ERC1: variants seen among roughly 807,000 people sequenced by gnomAD.
The protein encoded by ERC1 is RAB6 interacting protein 2.
A neutral mutation model predicts 132.0 loss-of-function variants in ERC1; 56 were observed. The ratio of observed to expected loss-of-function variants is 0.42; its 90% CI spans 0.34 to 0.53. The LOEUF is 0.53. Ranked by LOEUF, ERC1 falls within the 20% of genes least tolerant of loss-of-function variation. The probability of loss-of-function intolerance (pLI) is 0.03; values close to 1 mark genes in which losing one functional copy is unlikely to be tolerated. For synonymous variants in ERC1, 478 were observed against 476.1 expected, an observed-to-expected ratio of 1.00 and a Z score of -0.05; for missense variants, 1,202 against 1,349.9, an observed-to-expected ratio of 0.89 and a Z score of 1.72.
chr12:1,040,593 A>G (rs1178273530), intron 2 of ERC1, among the ~76,000 whole-genome samples: 1 of 152,094 alleles, frequency 6.6e-6, no homozygotes, highest in Non-Finnish European at 1.5e-5. Context: ...GGCGTGAGCC[A>G]CCGTGCCCGG....
At position 1,433,610 on chromosome 12, in the gene ERC1, G is replaced by A. The variant is rs146378725; in HGVS notation, c.3025-10952G>A. Among the ~76,000 whole-genome samples, 17 of 152,260 alleles carry A rather than the reference G, an allele frequency of 1.1e-4. 1 individual carries two copies. The East Asian group carries it at 3.3e-3, about 29-fold the overall frequency. On this transcript the variant is annotated intron_variant, in intron 17 of 18. Transcript: ENST00000360905. ...ATGTGTGGATGGTTTGCTAGCTGGAGGCTGGTTTGTTAATTAGAAGTGTAT... is the reference window on the plus strand; with the variant it reads ...ATGTGTGGATGGTTTGCTAGCTGGAAGCTGGTTTGTTAATTAGAAGTGTAT...
chr12:1,250,005 A>G (rs2076377463), intron 13 of ERC1, among the ~76,000 whole-genome samples: 1 of 152,140 alleles, frequency 6.6e-6, no homozygotes, highest in Non-Finnish European at 1.5e-5. Context: ...TTAGATTTCA[A>G]CGTTTGAATT....
chr12:1,374,591 C>T (rs2158447), intron 16 of ERC1, among the ~76,000 whole-genome samples: 41,897 of 152,088 alleles, frequency 0.28, 6,164 homozygotes, highest in Middle Eastern at 0.35. Context: ...GTCAGGCCCC[C>T]GCACGAGATT....
intron 13 of ERC1, among the ~76,000 whole-genome samples, chr12:1,247,415 G>A (rs897209531): frequency 2.0e-5 from 3 of 152,144 alleles, no homozygotes; most frequent in Non-Finnish European, 4.4e-5. Flanking sequence ...GCCTGTATAA[G>A]GAGCAGATGG....
At position 1,490,361 on chromosome 12, in the gene ERC1, G is replaced by A. The variant is rs1036155864; in HGVS notation, c.*131G>A. The A allele has an allele frequency of 2.3e-6, 2 of 872,970 alleles. No individual in the cohort carries two copies. The highest frequency in any genetic ancestry group is 3.5e-6 in the Non-Finnish European group (2 of 577,916). The allele number at this position is 872,970 out of a possible 1,614,324, so 54.1% of individuals were successfully genotyped here. ...CATCCCAACTTGCTCACTTGAAGAA[G>A]TGTGATTCCAGCACCGTTTCTACAT... is the stretch of plus-strand genomic sequence containing the variant. On this transcript the variant is annotated 3_prime_UTR_variant, in exon 19 of 19. Coordinates refer to ENST00000360905, the MANE Select transcript of ERC1 (RefSeq NM_178040.4).
intron 2 of ERC1, among the ~76,000 whole-genome samples, chr12:1,030,059 T>C (rs920450750): frequency 8.5e-5 from 13 of 152,214 alleles, no homozygotes; most frequent in Non-Finnish European, 1.8e-4. Context: ...ACTTTTTGTT[T>C]AAAAGACTTT....
At chr12:1,175,266 C>T (rs146644784) in intron 8 of ERC1, among the ~76,000 whole-genome samples, 7 of 149,594 alleles carry the variant, frequency 4.7e-5, no homozygotes, top group Admixed American at 3.3e-4. Flanking sequence ...TCAATTGACT[C>T]GTCGTTTCAA....
intron 15 of ERC1, among the ~76,000 whole-genome samples, chr12:1,353,183 A>C (rs1487338973): frequency 6.6e-6 from 1 of 151,954 alleles, no homozygotes; most frequent in Admixed American, 6.6e-5. Context: ...GGCGCCCGCC[A>C]CCACACCCAG....
At chr12:1,273,192 G>A (rs183885352) in intron 14 of ERC1, among the ~76,000 whole-genome samples, 1 of 152,204 alleles carries the variant, frequency 6.6e-6, no homozygotes, top group African/African-American at 2.4e-5. Context: ...TTTTAAAACC[G>A]TAAAAATATT....
Position 1,353,925 on chromosome 12 carries a change from C to T in ERC1, c.2781-17908C>T, listed in dbSNP as rs143424698. On this transcript the variant is annotated intron_variant, in intron 15 of 18. Coordinates refer to ENST00000360905, the MANE Select transcript of ERC1 (RefSeq NM_178040.4). Reference sequence around the variant, plus strand: ...GAATCTTTAACATGTTTTATCTCTTCTTATTTCTGGAAACTTTCTTTATCT... The same window carrying T: ...GAATCTTTAACATGTTTTATCTCTTTTTATTTCTGGAAACTTTCTTTATCT... 6.5e-4 allele frequency among the ~76,000 whole-genome samples: 99 copies of T among 152,238 alleles called. 3 individuals are homozygous for T. In the East Asian group the frequency reaches 6.5e-3, roughly 10 times the overall value.
At chr12:1,214,234 G>A (rs369270808) in intron 12 of ERC1, among the ~76,000 whole-genome samples, 3 of 152,156 alleles carry the variant, frequency 2.0e-5, no homozygotes, top group East Asian at 1.9e-4. Flanking sequence ...TAAAAGTATC[G>A]TAGTTACAGT....
chr12:1,429,562 G>A (rs192445370), intron 17 of ERC1, among the ~76,000 whole-genome samples: 273 of 152,264 alleles, frequency 1.8e-3, no homozygotes, highest in African/African-American at 5.8e-3. Flanking sequence ...TTTTTGGGAC[G>A]TCTGCCATGT....
rs369987825 is a variant in ERC1, at chr12:1,076,272, A to C, written c.670-6892A>C. ...AAATGCTTCTTTTTGCTTCAGGTCA[A>C]ATATTGAATAAACCTAGAGCATATA... On this transcript the variant is annotated intron_variant, in intron 2 of 18. Coordinates refer to ENST00000360905, the MANE Select transcript of ERC1 (RefSeq NM_178040.4). Among the ~76,000 whole-genome samples the C allele has an allele frequency of 1.2e-3, 189 of 152,330 alleles. 4 individuals carry two copies. In the South Asian group the frequency reaches 0.037, roughly 30 times the overall value.
chr12:1,257,317 A>C (rs2154319756), intron 13 of ERC1: 1 of 152,350 alleles, frequency 6.6e-6, no homozygotes, highest in South Asian at 2.1e-4. Context: ...AGAACTGTTT[A>C]GCTAAGCTGC....
intron 16 of ERC1, among the ~76,000 whole-genome samples, chr12:1,378,006 TATTA>T (rs1315238941): frequency 2.6e-5 from 4 of 152,212 alleles, no homozygotes; most frequent in East Asian, 1.9e-4. Context: ...GCAGTTTTAT[TATTA>T]ATTCTTCTCT....
chr12:1,274,345 C>T (rs1247173168), intron 14 of ERC1, among the ~76,000 whole-genome samples: 2 of 151,958 alleles, frequency 1.3e-5, no homozygotes, highest in Non-Finnish European at 2.9e-5. Flanking sequence ...AGATTGATCA[C>T]AGAAATAAAC....
intron 18 of ERC1, among the ~76,000 whole-genome samples, chr12:1,475,855 A>G (rs548716141): frequency 6.6e-5 from 10 of 151,980 alleles, no homozygotes; most frequent in Admixed American, 5.9e-4. Context: ...ACTAGGCTAG[A>G]TGTGGTGGCT....
At chr12:1,024,240 G>A (rs1220300945) in intron 1 of ERC1, among the ~76,000 whole-genome samples, 1 of 152,114 alleles carries the variant, frequency 6.6e-6, no homozygotes, top group African/African-American at 2.4e-5. Context: ...AATTAGCTGG[G>A]TGTGCTGATG....
intron 6 of ERC1, chr12:1,115,652 G>T: frequency 2.2e-6 from 1 of 451,024 alleles, no homozygotes. Flanking sequence ...ATGAAAACTG[G>T]ACATTTCCCT....
Sources: gnomAD v4.1 joint callset for allele counts (sites outside exome capture counted in the v4.1 genomes callset) on GRCh38, gnomAD v4.1.1 for gene constraint, MANE v1.5 for transcripts, NCBI Gene and HGNC (gene_info 2026-07-23, HGNC 2026-07-21) for gene names.